Variants in SCARB1 observed in about 807,000 individuals in gnomAD.
The protein encoded by SCARB1 is CD36 and LIMPII analogous 1.
In SCARB1, 30 loss-of-function variants were observed where a neutral mutation model predicts 57.2. The ratio of observed to expected loss-of-function variants is 0.52; its 90% confidence interval spans 0.39 to 0.71. The LOEUF (loss-of-function observed/expected upper bound fraction) is 0.71, where lower values mean the gene tolerates loss of function less well. Among genes scored for constraint, SCARB1 ranks in the 30% least tolerant of loss-of-function variants. SCARB1 has a pLI of 0.00. For synonymous variants in SCARB1, 249 were observed against 268.3 expected, an observed-to-expected ratio of 0.93 and a Z score of 0.70; for missense variants, 543 against 671.2, an observed-to-expected ratio of 0.81 and a Z score of 2.11.
chr12:124,852,346 T>C (rs1167535264), intron 1 of SCARB1, among the ~76,000 whole-genome samples: 1 of 152,186 alleles, frequency 6.6e-6, no homozygotes, highest in African/African-American at 2.4e-5. Flanking sequence ...CTACAATCTG[T>C]GGATGCATCC....
Position 124,806,924 on chromosome 12 carries a change from C to T in SCARB1, c.1009+837G>A, listed in dbSNP as rs144437184. 3.4e-3 allele frequency among the ~76,000 whole-genome samples: 511 copies of T among 151,796 alleles called. 2 individuals are homozygous for T. Among genetic ancestry groups the T allele is most frequent in the African/African-American group, 0.012 (486 of 41,360 alleles). ...TCTCAAAATATAAAAATAGGCTGGGCGCGGTGGCTCACACCTATAATCCCA... is the reference window on the plus strand; with the variant it reads ...TCTCAAAATATAAAAATAGGCTGGGTGCGGTGGCTCACACCTATAATCCCA... On this transcript the variant is annotated intron_variant, in intron 7 of 12. Coordinates refer to ENST00000261693, the MANE Select transcript of SCARB1 (RefSeq NM_005505.5).
intron 1 of SCARB1, among the ~76,000 whole-genome samples, chr12:124,851,231 C>T (rs954657504): frequency 6.6e-6 from 1 of 152,150 alleles, no homozygotes; most frequent in Non-Finnish European, 1.5e-5. Flanking sequence ...GGTGCAGATG[C>T]CATTTATTTT....
At chr12:124,790,045 G>A (rs989030018) in intron 9 of SCARB1, among the ~76,000 whole-genome samples, 1 of 150,698 alleles carries the variant, frequency 6.6e-6, no homozygotes, top group African/African-American at 2.5e-5. Flanking sequence ...GAGGTTAGAG[G>A]CAGAGAGAAA....
chr12:124,800,925 G>A lies in SCARB1; in HGVS notation c.1010-683C>T, dbSNP rs1361982410. 6.6e-6 allele frequency among the ~76,000 whole-genome samples: 1 copy of A among 152,210 alleles called. No homozygotes were observed. Among genetic ancestry groups the A allele is most frequent in the Non-Finnish European group, 1.5e-5 (1 of 68,032 alleles). ...GCGGGCCTCTCTCAAAAGCTCACGAGGGCCAGGCGCCATGGCTTACACCTG... is the reference window on the plus strand; with the variant it reads ...GCGGGCCTCTCTCAAAAGCTCACGAAGGCCAGGCGCCATGGCTTACACCTG... On this transcript the variant is annotated intron_variant, in intron 7 of 12. Coordinates refer to ENST00000261693, the MANE Select transcript of SCARB1 (RefSeq NM_005505.5). This position sits in a 1 kb window ranked among gnomAD's most constrained non-coding sequence, Gnocchi z 4.8.
At chr12:124,835,940 C>T (rs1461295013) in intron 1 of SCARB1, among the ~76,000 whole-genome samples, 1 of 152,226 alleles carries the variant, frequency 6.6e-6, no homozygotes, top group Admixed American at 6.5e-5. Flanking sequence ...TCCCTATCAC[C>T]TCATGCCAGG....
intron 1 of SCARB1, among the ~76,000 whole-genome samples, chr12:124,832,243 C>T (rs188104542): frequency 6.2e-4 from 95 of 152,292 alleles, no homozygotes; most frequent in Admixed American, 1.3e-3. Context: ...CTAGGCCGGG[C>T]GCGGTGGCTC....
rs1407813955 is a variant in SCARB1 at position 124,817,744 on chromosome 12, T to G, written c.127-37A>C. The G allele has an allele frequency of 6.2e-7, 1 of 1,611,036 alleles. No individual in the cohort carries two copies. Among genetic ancestry groups the G allele is most frequent in the East Asian group, 2.2e-5 (1 of 44,814 alleles). ...GGGACAAGTACGCTTGTGAGGAGAG[T>G]GATGAGGGCCCCACGCCCCACCACA... On this transcript the variant is annotated intron_variant, in intron 1 of 12. Transcript: ENST00000261693. The surrounding 1 kb of genome is among the most constrained non-coding windows in gnomAD (Gnocchi z 4.8).
intron 9 of SCARB1, among the ~76,000 whole-genome samples, chr12:124,788,508 T>C (rs747291351): frequency 1.1e-4 from 16 of 152,174 alleles, no homozygotes; most frequent in Non-Finnish European, 2.4e-4. Flanking sequence ...CCCTTTCAGA[T>C]GCCTGAAACG....
In SCARB1 at chr12:124,800,476, G is replaced by T. The variant is rs1950090397; in HGVS notation, c.1010-234C>A. ...AGGAGCCGCTGATTCTGACAGGAGA[G>T]ACCAAAAGAAGGAAGAGGCCTCTTC... is the stretch of plus-strand genomic sequence containing the variant. On this transcript the variant is annotated intron_variant, in intron 7 of 12. Coordinates refer to ENST00000261693, the MANE Select transcript of SCARB1 (RefSeq NM_005505.5). The surrounding 1 kb of genome is among the most constrained non-coding windows in gnomAD (Gnocchi z 4.8). Among the ~76,000 whole-genome samples, 1 of 152,220 alleles carries T rather than the reference G, an allele frequency of 6.6e-6. No homozygotes were observed. The highest frequency in any genetic ancestry group is 2.1e-4 in the South Asian group (1 of 4,826).
chr12:124,802,574 T>C (rs1950172407), intron 7 of SCARB1, among the ~76,000 whole-genome samples: 1 of 151,922 alleles, frequency 6.6e-6, no homozygotes, highest in Non-Finnish European at 1.5e-5. Context: ...CGAGGTGGGA[T>C]GGAACAACTT....
intron 8 of SCARB1, among the ~76,000 whole-genome samples, chr12:124,797,519 T>C (rs187240757): frequency 6.6e-6 from 1 of 152,350 alleles, no homozygotes; most frequent in African/African-American, 2.4e-5. Context: ...CAAGCTCATC[T>C]GGAGGTAGAA....
At position 124,817,244 on chromosome 12, in the gene SCARB1, G is replaced by T. The variant is rs1010765047; in HGVS notation, c.284+306C>A. ...TCCATAAAGAACCTCTCTAGGCAAC[G>T]TCTGGTGATTCGCACCTGTAATCCC... On this transcript the variant is annotated intron_variant, in intron 2 of 12. Coordinates refer to ENST00000261693, the MANE Select transcript of SCARB1 (RefSeq NM_005505.5). This position sits in a 1 kb window ranked among gnomAD's most constrained non-coding sequence, Gnocchi z 4.8. 6.7e-6 allele frequency among the ~76,000 whole-genome samples: 1 copy of T among 149,770 alleles called. No individual in the cohort carries two copies. The highest frequency in any genetic ancestry group is 1.5e-5 in the Non-Finnish European group (1 of 67,760).
chr12:124,811,281 C>CT (rs1266206861), intron 5 of SCARB1, among the ~76,000 whole-genome samples: 1 of 151,878 alleles, frequency 6.6e-6, no homozygotes, highest in Non-Finnish European at 1.5e-5. Flanking sequence ...AATCTCTTCT[C>CT]TTTTTTTTGG....
intron 12 of SCARB1, among the ~76,000 whole-genome samples, chr12:124,778,830 C>G (rs1291725593): frequency 6.6e-6 from 1 of 152,192 alleles, no homozygotes; most frequent in Non-Finnish European, 1.5e-5. Flanking sequence ...GAAACTGAGG[C>G]CCAAAGAGAC....
At chr12:124,857,130 C>T (rs777870907) in intron 1 of SCARB1, among the ~76,000 whole-genome samples, 87 of 152,258 alleles carry the variant, frequency 5.7e-4, no homozygotes, top group African/African-American at 1.9e-3. Context: ...GGACGCAGTG[C>T]GCAGAGGCCA....
chr12:124,815,048 G>GCGGTACTCGAGGAAGGACA lies in SCARB1; in HGVS notation c.332_350dup (p.Thr118ValfsTer40), dbSNP rs756445754. The GCGGTACTCGAGGAAGGACA allele has an allele frequency of 6.2e-7, 1 of 1,614,220 alleles. No homozygotes were observed. The highest frequency in any genetic ancestry group is 1.1e-5 in the South Asian group (1 of 91,080). ...ACTTGGAGGGCTGGAACTGGAAGGT[G>GCGGTACTCGAGGAAGGACA]CGGTACTCGAGGAAGGACACGGTGT... On this transcript the variant is annotated frameshift_variant, in exon 3 of 13. Coordinates refer to ENST00000261693, the MANE Select transcript of SCARB1 (RefSeq NM_005505.5). LOFTEE classifies it high-confidence loss of function.
chr12:124,832,440 A>C (rs1226607202), intron 1 of SCARB1, among the ~76,000 whole-genome samples: 1 of 152,140 alleles, frequency 6.6e-6, no homozygotes, highest in East Asian at 1.9e-4. Flanking sequence ...GAATCACTTG[A>C]ACCTGGAAGG....
chr12:124,848,545 C>T (rs1449505521), intron 1 of SCARB1, among the ~76,000 whole-genome samples: 1 of 152,178 alleles, frequency 6.6e-6, no homozygotes, highest in Non-Finnish European at 1.5e-5. Flanking sequence ...TTAGGATGCA[C>T]CCAAAAGGCT....
At chr12:124,779,884 G>A (rs1006020573) in intron 12 of SCARB1, among the ~76,000 whole-genome samples, 1 of 152,194 alleles carries the variant, frequency 6.6e-6, no homozygotes, top group Non-Finnish European at 1.5e-5. Context: ...CAGGCGCGGG[G>A]GAGGTCAGCC....
Sources: allele counts gnomAD v4.1 joint callset (sites outside exome capture counted in the v4.1 genomes callset), GRCh38; gene constraint gnomAD v4.1.1; non-coding constraint Gnocchi (gnomAD v3.1); transcripts MANE v1.5; gene names NCBI Gene and HGNC (gene_info 2026-07-23, HGNC 2026-07-21).